ANKHD1: variants seen among roughly 807,000 people sequenced by gnomAD.
ANKHD1 encodes ankyrin repeat and KH domain-containing protein 1.
ANKHD1 carries 31 observed loss-of-function variants against 230.5 expected under a neutral mutation model. The observed-to-expected ratio is 0.13, with a 90% CI of 0.10 to 0.18. ANKHD1 has a LOEUF of 0.18. ANKHD1 is among the 10% of genes least tolerant of loss of function. The probability of loss-of-function intolerance (pLI) is 1.00; values close to 1 mark genes in which losing one functional copy is unlikely to be tolerated. For synonymous variants in ANKHD1, 1,074 were observed against 1,117.6 expected (o/e 0.96, Z 0.78); for missense variants, 2,256 against 3,071.3 (o/e 0.73, Z 6.27).
intron 1 of ANKHD1, among the ~76,000 whole-genome samples, chr5:140,411,453 C>G (rs551214838): frequency 3.3e-5 from 5 of 149,468 alleles, no homozygotes; most frequent in Admixed American, 1.3e-4. Context: ...ATGCCTCTTT[C>G]AAACTATTAT....
intron 1 of ANKHD1, among the ~76,000 whole-genome samples, chr5:140,408,563 C>T (rs912077815): frequency 6.6e-6 from 1 of 152,142 alleles, no homozygotes; most frequent in African/African-American, 2.4e-5. Flanking sequence ...CTGAAAATTA[C>T]TTTTAACATC....
At chr5:140,449,869 A>G (rs1774576024) in intron 7 of ANKHD1, among the ~76,000 whole-genome samples, 1 of 152,172 alleles carries the variant, frequency 6.6e-6, no homozygotes, top group Admixed American at 6.5e-5. Flanking sequence ...AAAATCTTAA[A>G]TAGCAAATTG....
At chr5:140,477,133 T>C (rs1581313510) in intron 10 of ANKHD1, among the ~76,000 whole-genome samples, 2 of 152,286 alleles carry the variant, frequency 1.3e-5, no homozygotes, top group South Asian at 2.1e-4. Context: ...GAAAAAATTA[T>C]GTAAAGCAAT....
At chr5:140,508,742 G>A (rs1752640760) in intron 20 of ANKHD1, among the ~76,000 whole-genome samples, 1 of 150,660 alleles carries the variant, frequency 6.6e-6, no homozygotes, top group African/African-American at 2.4e-5. Flanking sequence ...TGCAACAAGA[G>A]AGAAACTCCA....
chr5:140,518,739 C>G (rs796213227), intron 24 of ANKHD1, among the ~76,000 whole-genome samples: 2,567 of 152,178 alleles, frequency 0.017, 41 homozygotes, highest in Admixed American at 0.041. Context: ...ATTCAACAAC[C>G]CTTCATGCTA....
rs1366586405 is a variant in ANKHD1, at chr5:140,527,785, A to G, written c.5088-88A>G. The G allele has an allele frequency of 1.5e-6, 2 of 1,362,684 alleles. No homozygotes were observed. The highest frequency in any genetic ancestry group is 1.9e-6 in the Non-Finnish European group (2 of 1,044,258). The allele number at this position is 1,362,684 out of a possible 1,614,324, so 84.4% of individuals were successfully genotyped here. On this transcript the variant is annotated intron_variant, in intron 27 of 33. Coordinates refer to ENST00000360839, the MANE Select transcript of ANKHD1 (RefSeq NM_017747.3). This position sits in a 1 kb window ranked among gnomAD's most constrained non-coding sequence, Gnocchi z 4.5. ...AGCATTTAAGAAATGTTATTCTCCA[A>G]AATGTCCATGAACATACTTACTAAG...
At chr5:140,498,461 A>T (rs992522383) in intron 15 of ANKHD1, among the ~76,000 whole-genome samples, 1 of 152,178 alleles carries the variant, frequency 6.6e-6, no homozygotes, top group Admixed American at 6.6e-5. Context: ...CTGATATGTA[A>T]TAGGTATCAT....
chr5:140,474,601 T>C (rs1359557668), intron 10 of ANKHD1, among the ~76,000 whole-genome samples: 27 of 146,640 alleles, frequency 1.8e-4, no homozygotes, highest in African/African-American at 5.0e-4. Flanking sequence ...TTTTCTTCTT[T>C]TTTTTTTTTT....
chr5:140,524,955 A>G, intron 25 of ANKHD1: 1 of 352,934 alleles, frequency 2.8e-6, no homozygotes, highest in East Asian at 1.0e-4. Flanking sequence ...AAAAAAAATT[A>G]CAAAATTAGC....
intron 2 of ANKHD1, among the ~76,000 whole-genome samples, chr5:140,437,146 C>T (rs1773512012): frequency 6.6e-6 from 1 of 152,010 alleles, no homozygotes; most frequent in South Asian, 2.1e-4. Flanking sequence ...TTTTTTTCCC[C>T]ATATAATTTA....
intron 15 of ANKHD1, among the ~76,000 whole-genome samples, chr5:140,501,843 TTTC>T (rs1752320075): frequency 1.3e-5 from 2 of 152,110 alleles, no homozygotes; most frequent in South Asian, 4.1e-4. Flanking sequence ...CCTACAAAAC[TTTC>T]TTCAACTTCA....
At chr5:140,421,388 C>T (rs1771971213) in intron 1 of ANKHD1, among the ~76,000 whole-genome samples, 1 of 150,578 alleles carries the variant, frequency 6.6e-6, no homozygotes, top group Non-Finnish European at 1.5e-5. Context: ...GCAACCTCTG[C>T]CTCCTGGGTT....
chr5:140,529,382 A>G lies in ANKHD1; in HGVS notation c.6436A>G (p.Met2146Val). 4 of 1,614,140 alleles carry G rather than the reference A, an allele frequency of 2.5e-6. No individual in the cohort carries two copies. In the South Asian group the frequency reaches 4.4e-5, roughly 18 times the overall value. ...GCAGCCCAGAGGTTCTTTTTACTCC[A>G]TGGTACCAAATGCAACTATTCACCA... ...RMQPRGSFYS[M>V]VPNATIHQDP... Residue 2146 changes from methionine to valine, a missense_variant, in exon 29 of 34, where the codon ATG (methionine) becomes GTG (valine). This residue lies in a region of ANKHD1 where 778 missense variants were observed against 966.5 expected (regional missense o/e 0.80). Coordinates refer to ENST00000360839, the MANE Select transcript of ANKHD1 (RefSeq NM_017747.3).
rs1316452008 is a variant in ANKHD1 at position 140,521,165 on chromosome 5, G to A, written c.4318-2901G>A. 2.0e-5 allele frequency among the ~76,000 whole-genome samples: 3 copies of A among 152,022 alleles called. No individual in the cohort carries two copies. In the East Asian group the frequency reaches 5.8e-4, roughly 29 times the overall value. The stretch of plus-strand genomic sequence containing the variant: ...TAAAAATATTTTGTTGATAATTAAA[G>A]GAAGAGAAAAAGTATGATTATTGAG... On this transcript the variant is annotated intron_variant, in intron 24 of 33. Transcript: ENST00000360839.
intron 15 of ANKHD1, among the ~76,000 whole-genome samples, chr5:140,499,413 T>C (rs570101244): frequency 6.6e-6 from 1 of 152,256 alleles, no homozygotes; most frequent in East Asian, 1.9e-4. Context: ...CTCATATTAG[T>C]AAAGAATACT....
chr5:140,466,763 T>C (rs755170780), intron 10 of ANKHD1, among the ~76,000 whole-genome samples: 2 of 152,122 alleles, frequency 1.3e-5, no homozygotes, highest in South Asian at 4.1e-4. Flanking sequence ...CTGGCCAACA[T>C]GGTGAAACCT....
intron 1 of ANKHD1, among the ~76,000 whole-genome samples, chr5:140,432,932 G>A (rs904094599): frequency 2.0e-5 from 3 of 151,888 alleles, no homozygotes; most frequent in African/African-American, 7.3e-5. Context: ...TAAACTCCTG[G>A]CCTCAAATGA....
Position 140,528,354 on chromosome 5 carries a change from G to A in ANKHD1, c.5408G>A (p.Ser1803Asn). The A allele has an allele frequency of 1.2e-6, 2 of 1,614,090 alleles. No individual in the cohort carries two copies. The highest frequency in any genetic ancestry group is 3.3e-5 in the Admixed American group (2 of 60,010). Residue 1803 changes from serine (S) to asparagine (N), a missense_variant, in exon 29 of 34, where the codon AGT becomes AAT. Transcript: ENST00000360839. ...SSGVGTTAASSKNAFPLGAPT... is the reference protein window; with the variant it reads ...SSGVGTTAASNKNAFPLGAPT... Reference sequence around the variant, plus strand: ...GGAGTAGGTACCACAGCAGCTTCCAGTAAAAATGCATTTCCTTTGGGTGCT... The same window carrying A: ...GGAGTAGGTACCACAGCAGCTTCCAATAAAAATGCATTTCCTTTGGGTGCT...
In ANKHD1 at chr5:140,529,754, G is replaced by C; in HGVS notation, c.6808G>C (p.Gly2270Arg). ...NMHPDNSKAP[G>R]FRPPSQRVST... Reference sequence around the variant, plus strand: ...GCACCCTGATAACTCAAAGGCACCTGGCTTCAGACCACCTTCCCAGCGAGT... The same window carrying C: ...GCACCCTGATAACTCAAAGGCACCTCGCTTCAGACCACCTTCCCAGCGAGT... The change falls in exon 29 of 34, where the codon GGC (glycine) becomes CGC (arginine). Residue 2270 changes from glycine to arginine, a missense_variant. Physicochemically the swap from Gly to Arg is moderately radical, Grantham distance 125. Around this residue, in one of 13 missense-constraint regions of ANKHD1, gnomAD observed 778 missense variants for 966.5 expected, o/e 0.80. Coordinates refer to ENST00000360839, the MANE Select transcript of ANKHD1 (RefSeq NM_017747.3). 1 of 1,614,118 alleles carries C rather than the reference G, an allele frequency of 6.2e-7. No homozygotes were observed. The highest frequency in any genetic ancestry group is 1.3e-5 in the African/African-American group (1 of 75,030).
Sources: gnomAD v4.1 joint callset for allele counts (sites outside exome capture counted in the v4.1 genomes callset) on GRCh38, gnomAD v4.1.1 for gene constraint, gnomAD v4.1.1 regional missense constraint, Gnocchi (gnomAD v3.1) non-coding constraint, MANE v1.5 for transcripts, NCBI Gene and HGNC (gene_info 2026-07-23, HGNC 2026-07-21) for gene names.